Variants in HGSNAT observed in about 807,000 individuals in gnomAD.
The protein encoded by HGSNAT is transmembrane protein 76.
HGSNAT carries 59 observed loss-of-function variants against 85.2 expected under a neutral mutation model. The ratio of observed to expected loss-of-function variants is 0.69; its 90% CI spans 0.56 to 0.86. HGSNAT has a LOEUF of 0.86. Among genes scored for constraint, HGSNAT ranks in the 40% least tolerant of loss-of-function variants. The pLI is 0.00. For synonymous variants in HGSNAT, 321 were observed against 304.5 expected (o/e 1.05, Z -0.56); for missense variants, 756 against 777.1 (o/e 0.97, Z 0.32).
At chr8:43,173,567 C>T in intron 8 of HGSNAT, 146 bp from the exon 9 acceptor site, 1 of 856,278 alleles carries the variant, frequency 1.2e-6, no homozygotes, top group Non-Finnish European at 1.9e-6. Context: ...GCCTCGGCCC[C>T]CACAAAGTGT....
chr8:43,182,017 A>G lies in HGSNAT; in HGVS notation c.1013-128A>G, dbSNP rs574428208. ...CTTGACCGTATATATTTCCATGTCC[A>G]AGAGCTTAAAAAAGACTTACTTAGA... On this transcript the variant is annotated intron_variant, in intron 10 of 17. Transcript: ENST00000379644. 7 of 760,194 alleles carry G rather than the reference A, an allele frequency of 9.2e-6. No homozygotes were observed. The East Asian group carries it at 1.5e-4, about 16-fold the overall frequency. The allele number at this position is 760,194 out of a possible 1,614,324, so 47.1% of individuals were successfully genotyped here.
chr8:43,157,833 TA>T (rs1182180936), intron 2 of HGSNAT, among the ~76,000 whole-genome samples: 1 of 151,498 alleles, frequency 6.6e-6, no homozygotes, highest in African/African-American at 2.4e-5. Context: ...GTAGGTCTTT[TA>T]AAACACATAA....
chr8:43,187,864 T>C (rs1037941750), intron 11 of HGSNAT, among the ~76,000 whole-genome samples: 1 of 152,164 alleles, frequency 6.6e-6, no homozygotes, highest in Non-Finnish European at 1.5e-5. Flanking sequence ...TCAGTATTTG[T>C]TTGTCTGTAA....
intron 2 of HGSNAT, among the ~76,000 whole-genome samples, chr8:43,151,139 AAGTCGT>A (rs1802903684): frequency 6.6e-6 from 1 of 152,248 alleles, no homozygotes; most frequent in African/African-American, 2.4e-5. Context: ...ATACAAAACA[AAGTCGT>A]AGTAGAGACA....
At chr8:43,187,141 G>A (rs193104223) in intron 11 of HGSNAT, among the ~76,000 whole-genome samples, 7 of 152,326 alleles carry the variant, frequency 4.6e-5, no homozygotes, top group Non-Finnish European at 1.0e-4. Flanking sequence ...GGAGAGTTCT[G>A]TAGATGTCTA....
At position 43,158,960 on chromosome 8, in the gene HGSNAT, C is replaced by T. The variant is rs773170952; in HGVS notation, c.409C>T (p.Leu137Phe). The T allele has an allele frequency of 6.2e-7, 1 of 1,612,694 alleles. No homozygotes were observed. The highest frequency in any genetic ancestry group is 1.1e-5 in the South Asian group (1 of 90,972). ...ATTTGGAGAATTTGGAAACTATTCT[C>T]TCTTGGTAAAGAACATCCATAATGG... ...YRFGEFGNYS[L>F]LVKNIHNGVS... is the part of the protein sequence containing the mutation. The change falls in exon 4 of 18, where the codon CTC (leucine) becomes TTC (phenylalanine). Residue 137 changes from leucine (L) to phenylalanine (F), a missense_variant. Transcript: ENST00000379644.
At position 43,199,786 on chromosome 8, in the gene HGSNAT, G is replaced by T; in HGVS notation, c.*217G>T. On this transcript the variant is annotated 3_prime_UTR_variant, in exon 18 of 18. Coordinates refer to ENST00000379644, the MANE Select transcript of HGSNAT (RefSeq NM_152419.3). ...TGACTTACAGATTTGAAATGTAATT[G>T]TCTTTTTTCCTCCATCTTCTGTGGA... 8.1e-6 allele frequency: 3 copies of T among 372,528 alleles called. No homozygotes were observed. The highest frequency in any genetic ancestry group is 1.4e-5 in the Non-Finnish European group (3 of 210,246). 23.1% of individuals were successfully genotyped at this position (372,528 alleles called of 1,614,324 possible).
chr8:43,195,263 G>A (rs930728919), intron 14 of HGSNAT, among the ~76,000 whole-genome samples: 3 of 152,074 alleles, frequency 2.0e-5, no homozygotes, highest in Non-Finnish European at 4.4e-5. Flanking sequence ...CTAATAGCCT[G>A]CTGTGGACCC....
At position 43,190,876 on chromosome 8, in the gene HGSNAT, C is replaced by T. The variant is rs567740798; in HGVS notation, c.1129-598C>T. On this transcript the variant is annotated intron_variant, in intron 11 of 17. Transcript: ENST00000379644. ...ATTCTGGAAGGTTTTCCTTACCCCACGAAGAACCCTGCACTAACCGCCAGT... is the reference window on the plus strand; with the variant it reads ...ATTCTGGAAGGTTTTCCTTACCCCATGAAGAACCCTGCACTAACCGCCAGT... Among the ~76,000 whole-genome samples the T allele has an allele frequency of 1.1e-4, 16 of 152,268 alleles. No homozygotes were observed. The East Asian group carries it at 1.4e-3, about 13-fold the overall frequency.
intron 2 of HGSNAT, among the ~76,000 whole-genome samples, chr8:43,156,930 A>T (rs943557818): frequency 7.2e-5 from 11 of 152,106 alleles, no homozygotes; most frequent in African/African-American, 2.4e-4. Flanking sequence ...AGTCTCTTGT[A>T]GGCAGCATAC....
intron 11 of HGSNAT, among the ~76,000 whole-genome samples, chr8:43,183,356 G>A (rs1482961625): frequency 2.0e-5 from 3 of 151,806 alleles, no homozygotes; most frequent in Non-Finnish European, 4.4e-5. Flanking sequence ...TTGTAGAGAC[G>A]AGGTTTCACT....
chr8:43,169,132 C>A, intron 5 of HGSNAT, 41 bp from the exon 6 acceptor site: 4 of 1,237,312 alleles, frequency 3.2e-6, no homozygotes, highest in South Asian at 1.5e-5. Context: ...AAAAATTCTG[C>A]CAATGAAAAT....
chr8:43,184,042 G>A (rs1427005474), intron 11 of HGSNAT, among the ~76,000 whole-genome samples: 1 of 151,894 alleles, frequency 6.6e-6, no homozygotes, highest in Non-Finnish European at 1.5e-5. Flanking sequence ...TCATTGTTGG[G>A]CATTTGGGTT....
Position 43,199,525 on chromosome 8 carries a change from A to C in HGSNAT, c.1864A>C (p.Ile622Leu). Residue 622 changes from isoleucine (I) to leucine (L), a missense_variant, in exon 18 of 18, where the codon ATT becomes CTT. Transcript: ENST00000379644. ...CGTCGCCACTGCCCTCTGGGTGCTC[A>C]TTGCCTACATCCTCTATAGAAAGAA... is the stretch of plus-strand genomic sequence containing the variant. ...NIVATALWVL[I>L]AYILYRKKIF... The C allele has an allele frequency of 6.2e-7, 1 of 1,605,210 alleles. No homozygotes were observed. Among genetic ancestry groups the C allele is most frequent in the Non-Finnish European group, 8.5e-7 (1 of 1,175,412 alleles).
chr8:43,157,215 CA>C (rs1803120273), intron 2 of HGSNAT, among the ~76,000 whole-genome samples: 1 of 151,872 alleles, frequency 6.6e-6, no homozygotes, highest in Non-Finnish European at 1.5e-5. Flanking sequence ...TGTTTCACAC[CA>C]TAGGAAACAA....
intron 2 of HGSNAT, among the ~76,000 whole-genome samples, chr8:43,157,725 C>T (rs908796461): frequency 2.0e-5 from 3 of 152,096 alleles, no homozygotes; most frequent in Admixed American, 6.6e-5. Flanking sequence ...TTGCAGTGAG[C>T]TGAGATCATG....
At chr8:43,144,035 T>G (rs1180823606) in intron 1 of HGSNAT, among the ~76,000 whole-genome samples, 1 of 152,098 alleles carries the variant, frequency 6.6e-6, no homozygotes, top group Non-Finnish European at 1.5e-5. Flanking sequence ...ATTTTACTCT[T>G]GGGCCCGGTG....
intron 17 of HGSNAT, 143 bp from the exon 18 acceptor site, chr8:43,199,245 T>C (rs1804837131): frequency 6.7e-6 from 4 of 596,400 alleles, no homozygotes; most frequent in African/African-American, 3.7e-5. Flanking sequence ...ACCTAAGATA[T>C]GCATTACTTA....
chr8:43,145,201 A>G (rs1802673062), intron 1 of HGSNAT, among the ~76,000 whole-genome samples: 1 of 152,210 alleles, frequency 6.6e-6, no homozygotes. Context: ...TAGAAAAGTG[A>G]AAAGAGAGGC....
Sources: allele counts gnomAD v4.1 joint callset (sites outside exome capture counted in the v4.1 genomes callset), GRCh38; gene constraint gnomAD v4.1.1; transcripts MANE v1.5; gene names NCBI Gene and HGNC (gene_info 2026-07-23, HGNC 2026-07-21).